Variants in ANKRD62 observed in about 807,000 individuals in gnomAD.
The protein encoded by ANKRD62 is ankyrin repeat domain-containing protein 62.
A neutral mutation model predicts 98.8 loss-of-function variants in ANKRD62; 61 were observed. That is an observed-to-expected ratio of 0.62 (90% CI 0.50 to 0.76). The LOEUF is 0.76. Ranked by LOEUF, ANKRD62 falls within the 30% of genes least tolerant of loss-of-function variation. ANKRD62 has a pLI of 0.00. For missense variants in ANKRD62, 933 were observed against 1,082.9 expected (o/e 0.86, Z 1.94); for synonymous variants, 341 against 367.9 (o/e 0.93, Z 0.84).
At chr18:12,133,063 A>T (rs537421815), downstream of ANKRD62, among the ~76,000 whole-genome samples, 13 of 152,274 alleles carry the variant, frequency 8.5e-5, no homozygotes, top group South Asian at 1.7e-3. Context: ...TGTACCCATT[A>T]AATATCTTCC....
intron 1 of ANKRD62, among the ~76,000 whole-genome samples, chr18:12,094,488 G>A (rs112916690): frequency 0.36 from 241 of 678 alleles, 94 homozygotes; most frequent in Non-Finnish European, 0.47. Context: ...GGAAGGGGTG[G>A]AGGACTGTGG....
At chr18:12,136,921 T>A in the ANKRD62 span, among the ~76,000 whole-genome samples, 1 of 152,230 alleles carries the variant, frequency 6.6e-6, no homozygotes, top group African/African-American at 2.4e-5. Context: ...TTTGCTGAAG[T>A]TGCTTATCAG....
chr18:12,099,235 C>G lies in ANKRD62; in HGVS notation c.753-380C>G, dbSNP rs560539615. On this transcript the variant is annotated intron_variant, in intron 5 of 13. Coordinates refer to ENST00000587848, the MANE Select transcript of ANKRD62 (RefSeq NM_001277333.2). The stretch of plus-strand genomic sequence containing the variant: ...ATTGCTTTACTATTTCTCTGAGCAC[C>G]TTAAAATGTGGTTTCATTAAACATT... 3.3e-5 allele frequency among the ~76,000 whole-genome samples: 5 copies of G among 152,234 alleles called. No homozygotes were observed. In the South Asian group the frequency reaches 6.2e-4, roughly 19 times the overall value.
chr18:12,168,008 G>C, the ANKRD62 span, among the ~76,000 whole-genome samples: 2 of 151,896 alleles, frequency 1.3e-5, no homozygotes, highest in African/African-American at 4.8e-5. Context: ...AAATTTGTTT[G>C]AGTTCTTTGT....
rs530278268 is a variant in ANKRD62, at chr18:12,115,544, A to G, written c.1240+10A>G. ...GGAATGGAGTGTAAAGGTAGGACCA[A>G]TGCATAAATATAAGGCTCTTTCCCT... On this transcript the variant is annotated intron_variant, in intron 10 of 13. Transcript: ENST00000587848. 3.9e-6 allele frequency: 6 copies of G among 1,530,238 alleles called. No individual in the cohort carries two copies. Among genetic ancestry groups the G allele is most frequent in the African/African-American group, 1.4e-5 (1 of 72,554 alleles). 94.8% of individuals were successfully genotyped at this position (1,530,238 alleles called of 1,614,324 possible).
At chr18:12,135,914 T>C in the ANKRD62 span, among the ~76,000 whole-genome samples, 1 of 152,242 alleles carries the variant, frequency 6.6e-6, no homozygotes, top group Non-Finnish European at 1.5e-5. Flanking sequence ...TGTAATTTTG[T>C]TTGAGTTCTT....
At chr18:12,175,911 G>C in the ANKRD62 span, among the ~76,000 whole-genome samples, 1 of 151,720 alleles carries the variant, frequency 6.6e-6, no homozygotes, top group Admixed American at 6.6e-5. Flanking sequence ...AGGATTTTAG[G>C]CCAGGCACGG....
At chr18:12,132,499 T>G (rs1910020518), downstream of ANKRD62, among the ~76,000 whole-genome samples, 1 of 152,102 alleles carries the variant, frequency 6.6e-6, no homozygotes, top group Non-Finnish European at 1.5e-5. Flanking sequence ...GTGATTACAG[T>G]GGCTCGAATT....
chr18:12,171,600 T>A, the ANKRD62 span, among the ~76,000 whole-genome samples: 2 of 152,218 alleles, frequency 1.3e-5, no homozygotes, highest in South Asian at 4.1e-4. Flanking sequence ...CCTTGGTGAA[T>A]CTGACAATTA....
chr18:12,165,390 G>A, the ANKRD62 span, among the ~76,000 whole-genome samples: 8 of 151,654 alleles, frequency 5.3e-5, no homozygotes, highest in South Asian at 6.3e-4. Context: ...TTTCTCTGGC[G>A]GTATAATTTC....
chr18:12,169,065 C>A, the ANKRD62 span, among the ~76,000 whole-genome samples: 1 of 152,276 alleles, frequency 6.6e-6, no homozygotes, highest in East Asian at 1.9e-4. Flanking sequence ...AGTATACGAT[C>A]ATGTCATCTG....
the ANKRD62 span, among the ~76,000 whole-genome samples, chr18:12,172,116 A>G: frequency 6.6e-6 from 1 of 152,062 alleles, no homozygotes; most frequent in Non-Finnish European, 1.5e-5. Flanking sequence ...CTTATTACTG[A>G]TCATCTGAAG....
At chr18:12,116,397 G>A (rs571198570) in intron 10 of ANKRD62, among the ~76,000 whole-genome samples, 2 of 152,144 alleles carry the variant, frequency 1.3e-5, no homozygotes, top group African/African-American at 2.4e-5. Flanking sequence ...TGATCCTAAT[G>A]ACTAAACATG....
chr18:12,165,713 G>A, the ANKRD62 span, among the ~76,000 whole-genome samples: 2 of 151,978 alleles, frequency 1.3e-5, no homozygotes, highest in African/African-American at 4.8e-5. Context: ...ACTATTCTGG[G>A]GGTTTTGTGT....
At chr18:12,163,331 G>A in the ANKRD62 span, among the ~76,000 whole-genome samples, 2 of 151,874 alleles carry the variant, frequency 1.3e-5, no homozygotes, top group Admixed American at 6.6e-5. Context: ...GAAATGCTAC[G>A]GAGTTTTGTA....
intron 8 of ANKRD62, among the ~76,000 whole-genome samples, chr18:12,110,982 A>G (rs1170268788): frequency 6.6e-6 from 1 of 152,326 alleles, no homozygotes; most frequent in African/African-American, 2.4e-5. Flanking sequence ...GGCCAGGCAC[A>G]GTGGCTCACG....
At chr18:12,100,121 A>T (rs985867684) in intron 6 of ANKRD62, among the ~76,000 whole-genome samples, 1 of 152,138 alleles carries the variant, frequency 6.6e-6, no homozygotes, top group Non-Finnish European at 1.5e-5. Context: ...TCCCCCATTC[A>T]GTTTGAAATC....
intron 12 of ANKRD62, among the ~76,000 whole-genome samples, chr18:12,125,070 C>G (rs1909858850): frequency 6.6e-6 from 1 of 152,072 alleles, no homozygotes; most frequent in South Asian, 2.1e-4. Context: ...AGAGCTAAGA[C>G]TCTTACTATA....
chr18:12,169,401 T>C, the ANKRD62 span, among the ~76,000 whole-genome samples: 1,256 of 152,336 alleles, frequency 8.2e-3, 66 homozygotes, highest in Admixed American at 0.073. Context: ...ATGTGGTTTT[T>C]GTCTTTGGTT....
Sources: allele counts gnomAD v4.1 joint callset (sites outside exome capture counted in the v4.1 genomes callset), GRCh38; gene constraint gnomAD v4.1.1; transcripts MANE v1.5; gene names NCBI Gene and HGNC (gene_info 2026-07-23, HGNC 2026-07-21).